SMCHD1: variants seen among roughly 807,000 people sequenced by gnomAD.
SMCHD1 encodes structural maintenance of chromosomes flexible hinge domain containing 1, also known as structural maintenance of chromosomes flexible hinge domain-containing protein 1.
In SMCHD1, 78 loss-of-function variants were observed where a neutral mutation model predicts 254.7. That is an observed-to-expected ratio of 0.31 (90% confidence interval 0.26 to 0.37). The LOEUF is 0.37. Among genes scored for constraint, SMCHD1 ranks in the 10% least tolerant of loss-of-function variants. The pLI is 1.00. For synonymous variants in SMCHD1, 766 were observed against 794.9 expected, an observed-to-expected ratio of 0.96 and a Z score of 0.61; for missense variants, 1,840 against 2,408.1, an observed-to-expected ratio of 0.76 and a Z score of 4.94.
chr18:2,709,931 T>A (rs2074629513), intron 17 of SMCHD1, among the ~76,000 whole-genome samples: 1 of 152,226 alleles, frequency 6.6e-6, no homozygotes, highest in South Asian at 2.1e-4. Context: ...TTTTCTTTTG[T>A]TGGCTGTGCT....
At chr18:2,770,833 C>G (rs532306690) in intron 39 of SMCHD1, among the ~76,000 whole-genome samples, 7 of 152,102 alleles carry the variant, frequency 4.6e-5, no homozygotes, top group East Asian at 3.9e-4. Flanking sequence ...GTTGGCCGGG[C>G]TGGTCTCGAA....
At chr18:2,672,898 C>T (rs1287114121) in intron 3 of SMCHD1, among the ~76,000 whole-genome samples, 1 of 152,174 alleles carries the variant, frequency 6.6e-6, no homozygotes, top group Non-Finnish European at 1.5e-5. Context: ...TATTTGCCCT[C>T]GTATTTCTAG....
chr18:2,694,624 T>A lies in SMCHD1; in HGVS notation c.971T>A (p.Ile324Asn). ...AAAGATAGCTTTACTGCTGTGGTTA[T>A]CACAGGGGTACAACCAGAACACATA... Reference protein sequence around the residue: ...KEKDSFTAVVITGVQPEHIQY... With the variant: ...KEKDSFTAVVNTGVQPEHIQY... Residue 324 changes from isoleucine to asparagine, a missense_variant, in exon 8 of 48, where the codon ATC becomes AAC. Ile to Asn is a moderately radical substitution (Grantham distance 149). Around this residue, in one of 9 missense-constraint regions of SMCHD1, gnomAD observed 498 missense variants for 743.5 expected, o/e 0.67. Coordinates refer to ENST00000320876, the MANE Select transcript of SMCHD1 (RefSeq NM_015295.3). 6.2e-7 allele frequency: 1 copy of A among 1,613,126 alleles called. No homozygotes were observed. The highest frequency in any genetic ancestry group is 8.5e-7 in the Non-Finnish European group (1 of 1,179,170).
intron 40 of SMCHD1, among the ~76,000 whole-genome samples, chr18:2,771,994 AGG>A (rs1316735381): frequency 1.1e-4 from 17 of 152,316 alleles, no homozygotes; most frequent in South Asian, 8.3e-4. Context: ...GTCCTATTAT[AGG>A]TAGTGTATTT....
At chr18:2,793,471 G>T (rs1317828702) in intron 45 of SMCHD1, among the ~76,000 whole-genome samples, 3 of 151,886 alleles carry the variant, frequency 2.0e-5, no homozygotes, top group Admixed American at 6.6e-5. Context: ...AGACCATCCT[G>T]GCTAACACAG....
intron 28 of SMCHD1, among the ~76,000 whole-genome samples, chr18:2,743,401 A>G (rs1432962814): frequency 1.5e-5 from 2 of 136,982 alleles, no homozygotes; most frequent in East Asian, 2.6e-4. Context: ...AAATCTAAAG[A>G]CAAACAGTGT....
intron 34 of SMCHD1, among the ~76,000 whole-genome samples, chr18:2,758,909 T>G (rs2075731251): frequency 6.6e-6 from 1 of 152,286 alleles, no homozygotes; most frequent in South Asian, 2.1e-4. Context: ...TCTTCAGTTT[T>G]TAAAAATTTT....
chr18:2,716,294 G>A (rs1044292018), intron 17 of SMCHD1, among the ~76,000 whole-genome samples: 10 of 152,148 alleles, frequency 6.6e-5, no homozygotes, highest in Admixed American at 5.9e-4. Context: ...TAGTAGAGGT[G>A]GTGCAGAGCT....
intron 44 of SMCHD1, among the ~76,000 whole-genome samples, 188 bp downstream of exon 44, chr18:2,778,427 T>C (rs1308214202): frequency 6.6e-6 from 1 of 152,228 alleles, no homozygotes; most frequent in African/African-American, 2.4e-5. Flanking sequence ...ATAGATGTTT[T>C]GGGGCTACGA....
rs755677576 is a variant in SMCHD1, at chr18:2,743,887, C to G, written c.3760C>G (p.Pro1254Ala). The change falls in exon 29 of 48, where the codon CCT becomes GCT. Residue 1254 changes from proline to alanine, a missense_variant. Around this residue, in one of 9 missense-constraint regions of SMCHD1, gnomAD observed 881 missense variants for 1,009.5 expected, o/e 0.87. Coordinates refer to ENST00000320876, the MANE Select transcript of SMCHD1 (RefSeq NM_015295.3). The stretch of plus-strand genomic sequence containing the variant: ...TCGAGTGCAACTAATTTCTGGACCT[C>G]CTGCTAAACTTCTCCTTATAGACTG... ...FIRVQLISGP[P>A]AKLLLIDWPE... The G allele has an allele frequency of 3.1e-6, 5 of 1,613,004 alleles. No individual in the cohort carries two copies. The Admixed American group carries it at 5.0e-5, about 16-fold the overall frequency.
chr18:2,741,107 G>A (rs2075341650), intron 28 of SMCHD1, among the ~76,000 whole-genome samples: 1 of 152,084 alleles, frequency 6.6e-6, no homozygotes, highest in Non-Finnish European at 1.5e-5. Context: ...AAAGATTGTG[G>A]TATATAGATT....
At chr18:2,743,331 A>C (rs2075386356) in intron 28 of SMCHD1, among the ~76,000 whole-genome samples, 1 of 152,188 alleles carries the variant, frequency 6.6e-6, no homozygotes, top group Non-Finnish European at 1.5e-5. Flanking sequence ...AAGGGGATAG[A>C]TAGTATGCCA....
At chr18:2,745,103 GAAGTGCT>G (rs2075426424) in intron 29 of SMCHD1, among the ~76,000 whole-genome samples, 1 of 152,146 alleles carries the variant, frequency 6.6e-6, no homozygotes, top group Non-Finnish European at 1.5e-5. Flanking sequence ...TTGGCCTCCC[GAAGTGCT>G]GGGATGACAG....
At chr18:2,732,229 A>G (rs1376564055) in intron 24 of SMCHD1, 36 bp from the exon 25 acceptor site, 8 of 1,524,906 alleles carry the variant, frequency 5.2e-6, no homozygotes, top group South Asian at 1.2e-5. Context: ...TTCAGTACAG[A>G]TATCACTCAG....
intron 45 of SMCHD1, among the ~76,000 whole-genome samples, chr18:2,786,937 G>A (rs2076249715): frequency 6.8e-6 from 1 of 146,378 alleles, no homozygotes; most frequent in African/African-American, 2.4e-5. Flanking sequence ...TTGTGTGAAT[G>A]AAATGTACAA....
Position 2,707,911 on chromosome 18 carries a change from AT to A in SMCHD1, c.2255del (p.Leu752TyrfsTer39). 1 of 1,587,108 alleles carries A rather than the reference AT, an allele frequency of 6.3e-7. No individual in the cohort carries two copies. Among genetic ancestry groups the A allele is most frequent in the Non-Finnish European group, 8.6e-7 (1 of 1,165,396 alleles). On this transcript the variant is annotated frameshift_variant, in exon 17 of 48. Coordinates refer to ENST00000320876, the MANE Select transcript of SMCHD1 (RefSeq NM_015295.3). LOFTEE classifies it high-confidence loss of function. The stretch of plus-strand genomic sequence containing the variant: ...GAAACTCCTGGTTGAGCTCAAAGTT[AT>A]TTTACATTGTAAGTATACAAACTAA... ...SKKLLVELKV[I>X]LHSSSGNKEI... is the part of the protein sequence containing the mutation.
At chr18:2,778,485 C>T (rs2076102708) in intron 44 of SMCHD1, among the ~76,000 whole-genome samples, 1 of 152,178 alleles carries the variant, frequency 6.6e-6, no homozygotes, top group Non-Finnish European at 1.5e-5. Flanking sequence ...GAAAAAAGTA[C>T]TGTCAGGTAA....
At chr18:2,698,640 T>A (rs1220440577) in intron 10 of SMCHD1, among the ~76,000 whole-genome samples, 1 of 151,470 alleles carries the variant, frequency 6.6e-6, no homozygotes, top group Non-Finnish European at 1.5e-5. Flanking sequence ...AGTACTAGGA[T>A]TACAGGTGTG....
At chr18:2,788,485 A>C (rs966515627) in intron 45 of SMCHD1, among the ~76,000 whole-genome samples, 2 of 152,216 alleles carry the variant, frequency 1.3e-5, no homozygotes, top group African/African-American at 4.8e-5. Flanking sequence ...TGGGTTATAT[A>C]ATTGGGATAA....
Sources: allele counts gnomAD v4.1 joint callset (sites outside exome capture counted in the v4.1 genomes callset), GRCh38; gene constraint gnomAD v4.1.1; regional missense constraint gnomAD v4.1.1; transcripts MANE v1.5; gene names NCBI Gene and HGNC (gene_info 2026-07-23, HGNC 2026-07-21).